SYNPR: variants seen among roughly 807,000 people sequenced by gnomAD.
SYNPR encodes synaptoporin.
Under a neutral mutation model 32.9 loss-of-function variants are expected in SYNPR, and 23 were observed. The ratio of observed to expected loss-of-function variants is 0.70; its 90% CI spans 0.50 to 0.99. The LOEUF (loss-of-function observed/expected upper bound fraction) is 0.99, where lower values mean the gene tolerates loss of function less well. Among genes scored for constraint, SYNPR ranks in the 50% least tolerant of loss-of-function variants. The pLI, the probability that SYNPR is intolerant of heterozygous loss-of-function variation, is 0.00. For missense variants in SYNPR, 318 were observed against 349.3 expected, an observed-to-expected ratio of 0.91 and a Z score of 0.71; for synonymous variants, 146 against 135.9, an observed-to-expected ratio of 1.07 and a Z score of -0.52.
At chr3:63,242,730 G>A (rs1364458022) in intron 1 of SYNPR, among the ~76,000 whole-genome samples, 2 of 152,054 alleles carry the variant, frequency 1.3e-5, no homozygotes, top group Non-Finnish European at 2.9e-5. Context: ...TGGATGAGGA[G>A]TGAAATGCTG....
At chr3:63,556,399 T>C (rs1414856787) in intron 3 of SYNPR, 144 bp from the exon 4 acceptor site, 1 of 628,332 alleles carries the variant, frequency 1.6e-6, no homozygotes, top group South Asian at 2.6e-5. Flanking sequence ...ATAATGTCTG[T>C]AAATTTCTTA....
At chr3:63,247,270 T>C (rs375120869) in intron 1 of SYNPR, among the ~76,000 whole-genome samples, 10 of 152,190 alleles carry the variant, frequency 6.6e-5, no homozygotes, top group African/African-American at 2.4e-4. Context: ...GAAATGTTTT[T>C]TTTTTCCTGT....
chr3:63,311,445 C>T (rs1332341359), intron 2 of SYNPR, among the ~76,000 whole-genome samples: 1 of 152,030 alleles, frequency 6.6e-6, no homozygotes, highest in Non-Finnish European at 1.5e-5. Flanking sequence ...CACTTGAGCT[C>T]TGCCTCCCAT....
chr3:63,350,425 T>C (rs1350348219), intron 2 of SYNPR, among the ~76,000 whole-genome samples: 2 of 151,948 alleles, frequency 1.3e-5, no homozygotes, highest in African/African-American at 4.8e-5. Context: ...CTTCTTCATA[T>C]TTTTTTTGCA....
chr3:63,581,269 C>A (rs1165031856), intron 4 of SYNPR, among the ~76,000 whole-genome samples: 1 of 152,094 alleles, frequency 6.6e-6, no homozygotes, highest in African/African-American at 2.4e-5. Context: ...CGTTGAGAAC[C>A]ATTACCTTGA....
At chr3:63,408,383 A>AGAAAGAAAG (rs2088417561) in intron 2 of SYNPR, among the ~76,000 whole-genome samples, 2 of 149,848 alleles carry the variant, frequency 1.3e-5, no homozygotes, top group Admixed American at 6.6e-5. Flanking sequence ...AAAGAAAGAA[A>AGAAAGAAAG]AGGAAGGAAG....
At chr3:63,312,005 T>C (rs1378818997) in intron 2 of SYNPR, among the ~76,000 whole-genome samples, 1 of 152,134 alleles carries the variant, frequency 6.6e-6, no homozygotes, top group East Asian at 2.0e-4. Flanking sequence ...GAGAGGGTAA[T>C]ACAGGATGGT....
chr3:63,539,537 T>C (rs940486958), intron 3 of SYNPR, among the ~76,000 whole-genome samples: 10 of 152,182 alleles, frequency 6.6e-5, no homozygotes, highest in African/African-American at 2.2e-4. Context: ...TGCCAAGCAA[T>C]ACAGAGCCAC....
At chr3:63,524,870 TGAGAGAGAGAGA>T (rs59919433) in intron 3 of SYNPR, among the ~76,000 whole-genome samples, 2 of 140,602 alleles carry the variant, frequency 1.4e-5, no homozygotes, top group Non-Finnish European at 3.0e-5. Flanking sequence ...TGTGTGTGTG[TGAGAGAGAGAGA>T]GAGAGAGAGA....
intron 2 of SYNPR, among the ~76,000 whole-genome samples, chr3:63,309,819 A>T (rs1217257889): frequency 6.6e-6 from 1 of 151,968 alleles, no homozygotes; most frequent in Non-Finnish European, 1.5e-5. Flanking sequence ...TGTGCTACAC[A>T]CTTTATCCTC....
chr3:63,574,981 G>A (rs551744709), intron 4 of SYNPR, among the ~76,000 whole-genome samples: 1 of 152,170 alleles, frequency 6.6e-6, no homozygotes, highest in East Asian at 1.9e-4. Flanking sequence ...AGGGCCATGA[G>A]TGAATCCCTG....
chr3:63,443,319 T>C, intron 2 of SYNPR: 1 of 1,499,512 alleles, frequency 6.7e-7, no homozygotes, highest in Non-Finnish European at 8.9e-7. Context: ...TTTCTTCTTC[T>C]CCTCCTTTGC....
chr3:63,555,752 G>C (rs1456491674), intron 3 of SYNPR, among the ~76,000 whole-genome samples: 1 of 151,920 alleles, frequency 6.6e-6, no homozygotes, highest in East Asian at 1.9e-4. Flanking sequence ...CAGGTGTTTG[G>C]GATCACAGAA....
intron 2 of SYNPR, among the ~76,000 whole-genome samples, chr3:63,418,939 A>C (rs2088574720): frequency 6.6e-6 from 1 of 152,176 alleles, no homozygotes; most frequent in Non-Finnish European, 1.5e-5. Context: ...AATTAGTAGA[A>C]TATTTGGTTT....
intron 3 of SYNPR, among the ~76,000 whole-genome samples, chr3:63,535,611 T>C (rs1702190256): frequency 6.6e-6 from 1 of 152,020 alleles, no homozygotes; most frequent in South Asian, 2.1e-4. Context: ...GAACTGGTAG[T>C]CCATAAATAA....
intron 3 of SYNPR, among the ~76,000 whole-genome samples, chr3:63,513,745 G>A (rs1006287470): frequency 1.1e-4 from 16 of 152,024 alleles, no homozygotes; most frequent in African/African-American, 3.4e-4. Context: ...TTTTGCATAA[G>A]AGAACTGAGT....
intron 2 of SYNPR, among the ~76,000 whole-genome samples, chr3:63,473,961 T>G (rs1297374447): frequency 6.6e-6 from 1 of 152,212 alleles, no homozygotes; most frequent in African/African-American, 2.4e-5. Context: ...TAGTCATGTT[T>G]CCCAAAAGGA....
At chr3:63,591,635 G>T (rs1218907569) in intron 4 of SYNPR, among the ~76,000 whole-genome samples, 1 of 138,268 alleles carries the variant, frequency 7.2e-6, no homozygotes, top group African/African-American at 2.8e-5. Flanking sequence ...CCTAAAAAAT[G>T]ATGAGTTCAT....
intron 2 of SYNPR, among the ~76,000 whole-genome samples, chr3:63,329,563 C>A (rs2087203651): frequency 6.6e-6 from 1 of 152,174 alleles, no homozygotes; most frequent in African/African-American, 2.4e-5. Context: ...TAATACATTT[C>A]TTGAGGAGAG....
Sources: gnomAD v4.1 joint callset for allele counts (sites outside exome capture counted in the v4.1 genomes callset) on GRCh38, gnomAD v4.1.1 for gene constraint, MANE v1.5 for transcripts, NCBI Gene and HGNC (gene_info 2026-07-23, HGNC 2026-07-21) for gene names.